Variants in NAV3 observed in about 807,000 individuals in gnomAD.
NAV3 encodes neuron navigator 3.
A neutral mutation model predicts 244.7 loss-of-function variants in NAV3; 87 were observed. The observed-to-expected ratio is 0.36, with a 90% CI of 0.30 to 0.42. NAV3 has a LOEUF of 0.42. NAV3 is among the 20% of genes least tolerant of loss of function. NAV3 has a pLI of 1.00. For synonymous variants in NAV3, 1,126 were observed against 1,042.2 expected (o/e 1.08, Z -1.55); for missense variants, 2,663 against 2,893.3 (o/e 0.92, Z 1.83).
intron 22 of NAV3, among the ~76,000 whole-genome samples, chr12:78,155,927 A>G (rs1593824547): frequency 6.6e-6 from 1 of 152,098 alleles, no homozygotes; most frequent in Non-Finnish European, 1.5e-5. Flanking sequence ...AGATTCCACA[A>G]ATGTTCTCCC....
At chr12:78,149,897 A>G (rs760166682) in intron 22 of NAV3, among the ~76,000 whole-genome samples, 1 of 152,118 alleles carries the variant, frequency 6.6e-6, no homozygotes, top group Non-Finnish European at 1.5e-5. Flanking sequence ...GAGTATGTGT[A>G]TCATTTCATT....
rs1874313336 is a variant in NAV3 at position 78,006,836 on chromosome 12, G to C, written c.1298G>C (p.Gly433Ala). The change falls in exon 8 of 40, where the codon GGT (glycine) becomes GCT (alanine). Residue 433 changes from glycine (G) to alanine (A), a missense_variant. Transcript: ENST00000397909. ...MEGFNSGLNS[G>A]GSTNSSPKVS... ...GGTTTTAACAGTGGTCTGAATAGTGGTGGCTCAACAAATAGCAGTCCCAAA... is the reference window on the plus strand; with the variant it reads ...GGTTTTAACAGTGGTCTGAATAGTGCTGGCTCAACAAATAGCAGTCCCAAA... The C allele has an allele frequency of 6.2e-7, 1 of 1,614,144 alleles. No homozygotes were observed. The highest frequency in any genetic ancestry group is 1.1e-5 in the South Asian group (1 of 91,082).
intron 1 of NAV3, among the ~76,000 whole-genome samples, chr12:77,927,488 T>C (rs1010051474): frequency 6.6e-6 from 1 of 152,216 alleles, no homozygotes; most frequent in African/African-American, 2.4e-5. Context: ...CTTCTCTGTT[T>C]TAGAATCTTC....
intron 2 of NAV3, among the ~76,000 whole-genome samples, chr12:77,753,182 T>A (rs1868948353): frequency 6.6e-6 from 1 of 152,186 alleles, no homozygotes; most frequent in Non-Finnish European, 1.5e-5. Context: ...AAAGAATTCC[T>A]ACAAACTTTA....
At chr12:78,030,612 A>G (rs1878818883) in intron 9 of NAV3, among the ~76,000 whole-genome samples, 1 of 152,196 alleles carries the variant, frequency 6.6e-6, no homozygotes, top group African/African-American at 2.4e-5. Flanking sequence ...CAGTCTTTTC[A>G]GTAATTATCA....
intron 8 of NAV3, among the ~76,000 whole-genome samples, chr12:78,015,577 A>G (rs1042459086): frequency 1.3e-5 from 2 of 152,072 alleles, no homozygotes; most frequent in Admixed American, 6.6e-5. Flanking sequence ...ATGAATATCA[A>G]TATCTTCCAT....
At chr12:77,790,304 G>A (rs1053084989) in intron 2 of NAV3, among the ~76,000 whole-genome samples, 4 of 152,110 alleles carry the variant, frequency 2.6e-5, no homozygotes, top group Admixed American at 1.3e-4. Flanking sequence ...AAATAGTTAC[G>A]ATATGTTCAA....
At chr12:77,870,390 C>G (rs1330445036) in intron 1 of NAV3, among the ~76,000 whole-genome samples, 1 of 149,782 alleles carries the variant, frequency 6.7e-6, no homozygotes, top group Non-Finnish European at 1.5e-5. Context: ...AGAAAAGTTT[C>G]TAATAATTGC....
chr12:77,798,204 A>AC (rs1218441754), intron 2 of NAV3, among the ~76,000 whole-genome samples: 1 of 152,056 alleles, frequency 6.6e-6, no homozygotes, highest in Non-Finnish European at 1.5e-5. Flanking sequence ...AACAACAACA[A>AC]AAAAACCCCA....
At chr12:78,038,304 A>G (rs938560559) in intron 9 of NAV3, among the ~76,000 whole-genome samples, 1 of 152,180 alleles carries the variant, frequency 6.6e-6, no homozygotes, top group Non-Finnish European at 1.5e-5. Context: ...TTTTATGTCA[A>G]TGTGTATTTC....
intron 4 of NAV3, among the ~76,000 whole-genome samples, chr12:77,966,537 A>T (rs1045662107): frequency 2.0e-5 from 3 of 152,056 alleles, no homozygotes; most frequent in Admixed American, 2.0e-4. Flanking sequence ...TATATGGGAG[A>T]GGAGTGAATC....
At chr12:78,169,013 A>T (rs949577947) in intron 24 of NAV3, 147 bp downstream of exon 24, 1 of 527,848 alleles carries the variant, frequency 1.9e-6, no homozygotes, top group Non-Finnish European at 3.4e-6. Flanking sequence ...ACATACTAGT[A>T]GTATTAATAC....
intron 2 of NAV3, among the ~76,000 whole-genome samples, chr12:77,671,412 A>T (rs1261889965): frequency 6.6e-6 from 1 of 152,104 alleles, no homozygotes; most frequent in Non-Finnish European, 1.5e-5. Flanking sequence ...GAAAAAAATG[A>T]TCCTAAAATT....
chr12:78,127,072 T>A (rs1955941293), intron 16 of NAV3, 95 bp from the exon 17 acceptor site: 7 of 1,253,352 alleles, frequency 5.6e-6, no homozygotes, highest in Admixed American at 2.0e-5. Flanking sequence ...TACCAAAAAA[T>A]TATTTTTTAT....
intron 6 of NAV3, 24 bp from the exon 7 acceptor site, chr12:77,998,313 G>T (rs1170992907): frequency 2.0e-6 from 3 of 1,531,916 alleles, no homozygotes; most frequent in Non-Finnish European, 1.7e-6. Flanking sequence ...CAATAATGAT[G>T]TAATTTTTCT....
chr12:77,618,642 TATC>T (rs751482725), intron 2 of NAV3, among the ~76,000 whole-genome samples: 1 of 152,214 alleles, frequency 6.6e-6, no homozygotes, highest in Non-Finnish European at 1.5e-5. Flanking sequence ...TTTCTCATAA[TATC>T]AACAAAATAG....
At chr12:78,008,072 G>A (rs1874552614) in intron 8 of NAV3, among the ~76,000 whole-genome samples, 1 of 152,148 alleles carries the variant, frequency 6.6e-6, no homozygotes, top group African/African-American at 2.4e-5. Context: ...ATCCTGATGT[G>A]TTGCAAATGT....
intron 2 of NAV3, among the ~76,000 whole-genome samples, chr12:77,703,397 T>G (rs1483570859): frequency 6.6e-6 from 1 of 152,136 alleles, no homozygotes; most frequent in Non-Finnish European, 1.5e-5. Flanking sequence ...TTGTATAGAT[T>G]AACCACAATT....
At chr12:77,806,953 T>C (rs1872014521) in intron 2 of NAV3, among the ~76,000 whole-genome samples, 1 of 152,234 alleles carries the variant, frequency 6.6e-6, no homozygotes, top group Admixed American at 6.5e-5. Context: ...TCTTTGTTGG[T>C]CTCTGATAAA....
Sources: gnomAD v4.1 joint callset for allele counts (sites outside exome capture counted in the v4.1 genomes callset) on GRCh38, gnomAD v4.1.1 for gene constraint, MANE v1.5 for transcripts, NCBI Gene and HGNC (gene_info 2026-07-23, HGNC 2026-07-21) for gene names.